RELN: variants seen among roughly 807,000 people sequenced by gnomAD.
The protein encoded by RELN is reelin.
RELN carries 108 observed loss-of-function variants against 427.6 expected under a neutral mutation model. That is an observed-to-expected ratio of 0.25 (90% CI 0.22 to 0.30). RELN has a LOEUF of 0.30. Ranked by LOEUF, RELN falls within the 10% of genes least tolerant of loss-of-function variation. The pLI is 1.00. For missense variants in RELN, 3,715 were observed against 4,302.8 expected, an observed-to-expected ratio of 0.86 and a Z score of 3.82; for synonymous variants, 1,524 against 1,513.4, an observed-to-expected ratio of 1.01 and a Z score of -0.16.
rs568169299 is a variant in RELN, at chr7:103,625,483, A to C, written c.2702+4457T>G. 1.4e-4 allele frequency among the ~76,000 whole-genome samples: 22 copies of C among 152,332 alleles called. No individual in the cohort carries two copies. In the East Asian group the frequency reaches 3.3e-3, roughly 23 times the overall value. On this transcript the variant is annotated intron_variant, in intron 20 of 64. Transcript: ENST00000428762. ...TAACGTCTGTTAGCTTCTAAAATTC[A>C]AAAAAGTTGCTCATTATGTGGACCT... is the stretch of plus-strand genomic sequence containing the variant.
rs748781222 is a variant in RELN, at chr7:103,561,803, A to G, written c.5351+10T>C. ...TACAAAGAAAGAAACTGTCAGTTTTATTAACTTACACACAGCGTCCAGCAT... is the reference window on the plus strand; with the variant it reads ...TACAAAGAAAGAAACTGTCAGTTTTGTTAACTTACACACAGCGTCCAGCAT... On this transcript the variant is annotated intron_variant, in intron 35 of 64. Transcript: ENST00000428762. The G allele has an allele frequency of 2.2e-5, 36 of 1,613,886 alleles. No homozygotes were observed. Among genetic ancestry groups the G allele is most frequent in the Non-Finnish European group, 3.0e-5 (35 of 1,179,934 alleles).
At position 103,626,908 on chromosome 7, in the gene RELN, G is replaced by A. The variant is rs939232689; in HGVS notation, c.2702+3032C>T. On this transcript the variant is annotated intron_variant, in intron 20 of 64. Transcript: ENST00000428762. The surrounding 1 kb of genome is among the most constrained non-coding windows in gnomAD (Gnocchi z 4.4). ...GTTCAGATACTATGTATGGAAGAAA[G>A]TATTCAAAGAATTCAAAGCAATTCA... Among the ~76,000 whole-genome samples, 2 of 152,050 alleles carry A rather than the reference G, an allele frequency of 1.3e-5. No individual in the cohort carries two copies. Among genetic ancestry groups the A allele is most frequent in the African/African-American group, 2.4e-5 (1 of 41,420 alleles).
intron 61 of RELN, among the ~76,000 whole-genome samples, chr7:103,485,229 CAAAAAAAA>C (rs35324403): frequency 7.3e-4 from 70 of 96,494 alleles, no homozygotes; most frequent in Middle Eastern, 8.6e-3. Context: ...TTTGGCAGGC[CAAAAAAAA>C]AAAAAAAAAA....
In RELN at chr7:103,573,980, CA is replaced by C; in HGVS notation, c.4511+111del. On this transcript the variant is annotated intron_variant, in intron 30 of 64. Transcript: ENST00000428762. This position sits in a 1 kb window ranked among gnomAD's most constrained non-coding sequence, Gnocchi z 4.4. The stretch of plus-strand genomic sequence containing the variant: ...ATTTTTACATATCATAATCTATATA[CA>C]GAAACATTATTGTATATATTCCCAA... 1 of 884,706 alleles carries C rather than the reference CA, an allele frequency of 1.1e-6. No homozygotes were observed. Among genetic ancestry groups the C allele is most frequent in the South Asian group, 1.4e-5 (1 of 71,606 alleles). The allele number at this position is 884,706 out of a possible 1,614,324, so 54.8% of individuals were successfully genotyped here. A position where few individuals can be genotyped will look rare whatever the true frequency, so the allele number is the denominator to read the frequency against.
rs542719082 is a variant in RELN, at chr7:103,892,187, G to T, written c.337+24888C>A. ...TCTGCTTTCCTTCTTTAATCAGTTG[G>T]AAATTGATGTCCAAGGTGACCTTCG... On this transcript the variant is annotated intron_variant, in intron 2 of 64. Coordinates refer to ENST00000428762, the MANE Select transcript of RELN (RefSeq NM_005045.4). Among the ~76,000 whole-genome samples, 3 of 152,220 alleles carry T rather than the reference G, an allele frequency of 2.0e-5. No homozygotes were observed. The South Asian group carries it at 6.2e-4, about 32-fold the overall frequency.
intron 2 of RELN, among the ~76,000 whole-genome samples, chr7:103,903,567 A>C (rs188612846): frequency 1.3e-4 from 20 of 152,264 alleles, no homozygotes. Flanking sequence ...CAAAATTATA[A>C]CATTATTTTC....
chr7:103,499,647 G>T (rs1386094245), intron 53 of RELN, among the ~76,000 whole-genome samples: 1 of 152,206 alleles, frequency 6.6e-6, no homozygotes, highest in Admixed American at 6.5e-5. Context: ...TCAAATGTCA[G>T]TCTGCCTTAG....
At chr7:103,562,385 A>G (rs891467505) in intron 34 of RELN, among the ~76,000 whole-genome samples, 1 of 152,200 alleles carries the variant, frequency 6.6e-6, no homozygotes, top group Non-Finnish European at 1.5e-5. Flanking sequence ...TCTCTATTTT[A>G]CTGTCCCGGA....
chr7:103,730,096 G>A (rs976563500), intron 6 of RELN, among the ~76,000 whole-genome samples: 7 of 152,000 alleles, frequency 4.6e-5, no homozygotes, highest in Non-Finnish European at 1.0e-4. Flanking sequence ...TGGCTTAAGA[G>A]AAACATCAAC....
chr7:103,901,105 G>A (rs574029438), intron 2 of RELN, among the ~76,000 whole-genome samples: 1 of 152,036 alleles, frequency 6.6e-6, no homozygotes, highest in East Asian at 1.9e-4. Context: ...GACTTGAATG[G>A]ACATCTCTCC....
intron 56 of RELN, 58 bp downstream of exon 56, chr7:103,496,468 G>T: frequency 5.0e-6 from 8 of 1,607,864 alleles, no homozygotes; most frequent in Non-Finnish European, 6.8e-6. Flanking sequence ...TCTATCTGAA[G>T]ACATAAGCAG....
At chr7:103,707,789 G>A (rs970175411) in intron 8 of RELN, among the ~76,000 whole-genome samples, 2 of 152,040 alleles carry the variant, frequency 1.3e-5, no homozygotes, top group Non-Finnish European at 2.9e-5. Context: ...GAGCCACCAC[G>A]CCCGGCTGCA....
chr7:103,492,991 G>C (rs963248110), intron 57 of RELN, among the ~76,000 whole-genome samples: 1 of 152,144 alleles, frequency 6.6e-6, no homozygotes, highest in Non-Finnish European at 1.5e-5. Context: ...TAGAATGATC[G>C]GTTGAATTTG....
chr7:103,860,911 T>C (rs1354858764), intron 2 of RELN, among the ~76,000 whole-genome samples: 2 of 152,100 alleles, frequency 1.3e-5, no homozygotes, highest in Non-Finnish European at 2.9e-5. Flanking sequence ...GTTTTTAGCA[T>C]TGTAAAATTT....
intron 6 of RELN, among the ~76,000 whole-genome samples, chr7:103,739,809 C>T (rs1189100258): frequency 1.3e-5 from 2 of 152,160 alleles, no homozygotes; most frequent in Non-Finnish European, 2.9e-5. Context: ...AATCTATGCT[C>T]TGCATATGAA....
chr7:103,666,566 C>T (rs1028069785), intron 11 of RELN, among the ~76,000 whole-genome samples: 1 of 152,152 alleles, frequency 6.6e-6, no homozygotes, highest in Non-Finnish European at 1.5e-5. Flanking sequence ...TAAAATCACA[C>T]AGATCATAAT....
intron 16 of RELN, among the ~76,000 whole-genome samples, chr7:103,647,275 G>A (rs1010062842): frequency 4.0e-5 from 6 of 151,744 alleles, no homozygotes; most frequent in African/African-American, 9.7e-5. Context: ...AATTATCTCC[G>A]TTTGGTTATG....
chr7:103,636,041 C>G (rs1001589759), intron 18 of RELN, among the ~76,000 whole-genome samples, 194 bp downstream of exon 18: 1 of 152,124 alleles, frequency 6.6e-6, no homozygotes, highest in Non-Finnish European at 1.5e-5. Flanking sequence ...TCATTAATAT[C>G]CAAGTCATTG....
At chr7:103,699,428 G>C (rs148503862) in intron 9 of RELN, among the ~76,000 whole-genome samples, 1 of 152,066 alleles carries the variant, frequency 6.6e-6, no homozygotes, top group Non-Finnish European at 1.5e-5. Flanking sequence ...TAGTGATTGG[G>C]AGCACTTTCA....
Sources: allele counts gnomAD v4.1 joint callset (sites outside exome capture counted in the v4.1 genomes callset), GRCh38; gene constraint gnomAD v4.1.1; non-coding constraint Gnocchi (gnomAD v3.1); transcripts MANE v1.5; gene names NCBI Gene and HGNC (gene_info 2026-07-23, HGNC 2026-07-21).